Variants in GBP2 observed in about 807,000 individuals in gnomAD.
The protein encoded by GBP2 is guanylate binding protein 2.
A neutral mutation model predicts 60.8 loss-of-function variants in GBP2; 54 were observed. The observed-to-expected ratio is 0.89, with a 90% CI of 0.71 to 1.11. GBP2 has a LOEUF of 1.11. Ranked by LOEUF, GBP2 falls within the 50% of genes most tolerant of loss-of-function variation. GBP2 has a pLI of 0.00. For synonymous variants in GBP2, 243 were observed against 256.5 expected (o/e 0.95, Z 0.50); for missense variants, 665 against 703.3 (o/e 0.95, Z 0.62).
At position 89,108,152 on chromosome 1, in the gene GBP2, G is replaced by T; in HGVS notation, c.*23C>A. 1.4e-6 allele frequency: 2 copies of T among 1,400,070 alleles called. No homozygotes were observed. Among genetic ancestry groups the T allele is most frequent in the Non-Finnish European group, 2.0e-6 (2 of 991,494 alleles). The allele number at this position is 1,400,070 out of a possible 1,614,324, so 86.7% of individuals were successfully genotyped here. A position where few individuals can be genotyped will look rare whatever the true frequency, so the allele number is the denominator to read the frequency against. ...TTTCTTGGGGAGAGGGAGCTGGACA[G>T]GCAAATTTTGCTCCTTGGACTTTTA... On this transcript the variant is annotated 3_prime_UTR_variant, in exon 11 of 11. Coordinates refer to ENST00000370466, the MANE Select transcript of GBP2 (RefSeq NM_004120.5).
chr1:89,121,307 TTAG>T, intron 2 of GBP2, 37 bp from the exon 3 acceptor site: 1 of 1,537,426 alleles, frequency 6.5e-7, no homozygotes, highest in Non-Finnish European at 8.8e-7. Flanking sequence ...AAGAAATTAC[TTAG>T]TAGGTGTTTC....
In GBP2 at chr1:89,121,255, G is replaced by A; in HGVS notation, c.206C>T (p.Ser69Phe). 6.2e-7 allele frequency: 1 copy of A among 1,607,050 alleles called. No individual in the cohort carries two copies. The highest frequency in any genetic ancestry group is 8.5e-7 in the Non-Finnish European group (1 of 1,176,272). Residue 69 changes from serine (S) to phenylalanine (F), a missense_variant, in exon 3 of 11, where the codon TCC becomes TTC. By Grantham distance (155) the Ser-to-Phe change is radical. Coordinates refer to ENST00000370466, the MANE Select transcript of GBP2 (RefSeq NM_004120.5). ...AGKKNGFSLG[S>F]TVKSHTKGIW... is the part of the protein sequence containing the mutation. ...TCCCTTGGTGTGAGACTTCACTGTG[G>A]AGCCTAGAGAGAAGCCTGTAGAAGG...
Position 89,114,275 on chromosome 1 carries a change from G to C in GBP2, c.890C>G (p.Thr297Ser), listed in dbSNP as rs1002750030. Residue 297 changes from threonine to serine, a missense_variant, in exon 7 of 11, where the codon ACC (threonine) becomes AGC (serine). Thr to Ser is a moderately conservative substitution (Grantham distance 58). Coordinates refer to ENST00000370466, the MANE Select transcript of GBP2 (RefSeq NM_004120.5). ...NGPRLESLVL[T>S]YVNAISSGDL... ...CCCACTGCTGATGGCATTGACGTAG[G>C]TCAGCACCAGGCTCTCTAGACCTGC... The C allele has an allele frequency of 6.2e-7, 1 of 1,614,094 alleles. No individual in the cohort carries two copies. The highest frequency in any genetic ancestry group is 8.5e-7 in the Non-Finnish European group (1 of 1,180,038).
intron 3 of GBP2, 58 bp from the exon 4 acceptor site, chr1:89,120,346 C>T: frequency 7.3e-7 from 1 of 1,369,632 alleles, no homozygotes; most frequent in Admixed American, 1.7e-5. Context: ...ACAATCAATT[C>T]AGATAGCTGA....
At chr1:89,117,916 C>T (rs1224362742) in intron 4 of GBP2, 143 bp from the exon 5 acceptor site, 2 of 707,570 alleles carry the variant, frequency 2.8e-6, no homozygotes, top group African/African-American at 1.8e-5. Flanking sequence ...TTCATTCACT[C>T]ACAAACATTT....
chr1:89,120,763 C>A (rs949191466), intron 3 of GBP2, among the ~76,000 whole-genome samples: 2 of 152,294 alleles, frequency 1.3e-5, no homozygotes, highest in East Asian at 3.9e-4. Context: ...TCTACTGGTG[C>A]TGGTGTGGAT....
At chr1:89,109,570 G>C in intron 10 of GBP2, 107 bp downstream of exon 10, 3 of 826,078 alleles carry the variant, frequency 3.6e-6, no homozygotes, top group Non-Finnish European at 5.8e-6. Context: ...AAATGTAGTA[G>C]TGTCTGGGCT....
At position 89,109,793 on chromosome 1, in the gene GBP2, T is replaced by G; in HGVS notation, c.1543A>C (p.Met515Leu). Residue 515 changes from methionine (M) to leucine (L), a missense_variant, in exon 10 of 11, where the codon ATG becomes CTG. Met to Leu is a conservative substitution (Grantham distance 15, BLOSUM62 2). Coordinates refer to ENST00000370466, the MANE Select transcript of GBP2 (RefSeq NM_004120.5). ...TGATAACTCTTCTCTTTCTGTTCCA[T>G]CATCTCCTCATTCTTCTTTTGTATT... ...EEIQKKNEEMMEQKEKSYQEH... is the reference protein window; with the variant it reads ...EEIQKKNEEMLEQKEKSYQEH... The G allele has an allele frequency of 6.2e-7, 1 of 1,614,062 alleles. No homozygotes were observed. The highest frequency in any genetic ancestry group is 8.5e-7 in the Non-Finnish European group (1 of 1,179,946).
Position 89,117,693 on chromosome 1 carries a change from AC to A in GBP2, c.508del (p.Val170Ter). 1 of 1,614,084 alleles carries A rather than the reference AC, an allele frequency of 6.2e-7. No homozygotes were observed. Among genetic ancestry groups the A allele is most frequent in the African/African-American group, 1.3e-5 (1 of 75,040 alleles). On this transcript the variant is annotated frameshift_variant, in exon 5 of 11. Transcript: ENST00000370466. LOFTEE classifies it high-confidence loss of function. ...NNSVDDSADF[V>X]SFFPAFVWTL... is the part of the protein sequence containing the mutation. ...CCACACAAATGCTGGAAAAAAGCTC[AC>A]AAAGTCAGCTGAGTCGTCTACAGAA...
rs1169859935 is a variant in GBP2, at chr1:89,110,355, A to ATAAGTCAT, written c.1363-97_1363-90dup. 18 of 921,502 alleles carry ATAAGTCAT rather than the reference A, an allele frequency of 2.0e-5. No homozygotes were observed. In the South Asian group the frequency reaches 2.1e-4, roughly 11 times the overall value. 57.1% of individuals were successfully genotyped at this position (921,502 alleles called of 1,614,324 possible). ...CCACTGGGTATCTACCCAGAGGAAA[A>ATAAGTCAT]TAAGTCATTACACAAAAAAGATACT... is the stretch of plus-strand genomic sequence containing the variant. On this transcript the variant is annotated intron_variant, in intron 8 of 10. Coordinates refer to ENST00000370466, the MANE Select transcript of GBP2 (RefSeq NM_004120.5).
Position 89,120,265 on chromosome 1 carries a change from C to T in GBP2, c.342G>A (p.Trp114Ter). ...IEKGDNENDS[W>*]IFALAILLSS... ...TCAGGAGGATGGCCAAGGCAAAGAT[C>T]CAGGAGTCATTCTCATTGTCACCCT... Residue 114 changes from tryptophan (W) to a stop codon, truncating the protein, a stop_gained, in exon 4 of 11, where the codon TGG (tryptophan) becomes TGA (stop). Transcript: ENST00000370466. LOFTEE classifies it high-confidence loss of function. The T allele has an allele frequency of 6.2e-7, 1 of 1,613,738 alleles. No individual in the cohort carries two copies. Among genetic ancestry groups the T allele is most frequent in the Non-Finnish European group, 8.5e-7 (1 of 1,179,714 alleles).
chr1:89,116,041 C>T (rs1681264443), intron 6 of GBP2, among the ~76,000 whole-genome samples: 1 of 151,822 alleles, frequency 6.6e-6, no homozygotes, highest in Admixed American at 6.6e-5. Context: ...GAGACAGGGT[C>T]TCACTCTGTC....
In GBP2 at chr1:89,108,220, G is replaced by C. The variant is rs150770546; in HGVS notation, c.1731C>G (p.Ile577Met). 74 of 1,612,990 alleles carry C rather than the reference G, an allele frequency of 4.6e-5. No individual in the cohort carries two copies. Among genetic ancestry groups the C allele is most frequent in the Non-Finnish European group, 6.0e-5 (71 of 1,179,446 alleles). ...SKRLQKDIWD[I>M]QMRSKSLEPI... ...GCTCCAATGATTTGCTTCTCATCTG[G>C]ATATCCCATATGTCTTTTTGAAGTC... Residue 577 changes from isoleucine (I) to methionine (M), a missense_variant, in exon 11 of 11, where the codon ATC (isoleucine) becomes ATG (methionine). Transcript: ENST00000370466.
At chr1:89,111,809 A>C (rs7556532) in intron 8 of GBP2, among the ~76,000 whole-genome samples, 1 of 152,280 alleles carries the variant, frequency 6.6e-6, no homozygotes, top group South Asian at 2.1e-4. Context: ...GTGTAATTGG[A>C]TTGTTTGTAA....
intron 1 of GBP2, among the ~76,000 whole-genome samples, chr1:89,123,912 T>G (rs557898875): frequency 6.5e-4 from 99 of 152,370 alleles, no homozygotes; most frequent in Non-Finnish European, 1.2e-3. Context: ...TCCATAGATA[T>G]CCAATCTTGT....
At chr1:89,113,883 T>C (rs990833015) in intron 7 of GBP2, 133 bp downstream of exon 7, 1 of 1,155,294 alleles carries the variant, frequency 8.7e-7, no homozygotes, top group Non-Finnish European at 1.2e-6. Context: ...GCTATGCACA[T>C]TCTAGTCTTT....
At chr1:89,108,343 G>T (rs1329119) in intron 10 of GBP2, 52 bp from the exon 11 acceptor site, 21 of 1,138,776 alleles carry the variant, frequency 1.8e-5, no homozygotes, top group Non-Finnish European at 2.7e-5. Context: ...ATTTCCACCA[G>T]ATTAGTTCCC....
chr1:89,117,000 T>G lies in GBP2; in HGVS notation c.860A>C (p.Asn287Thr), dbSNP rs748450335. The change falls in exon 6 of 11, where the codon AAT becomes ACT. Residue 287 changes from asparagine (N) to threonine (T), a missense_variant. Coordinates refer to ENST00000370466, the MANE Select transcript of GBP2 (RefSeq NM_004120.5). ...TAGAGAGAGTGACTCACGAGGCCCATTGACTGGAATGCCACCTGAAAGAGT... is the reference window on the plus strand; with the variant it reads ...TAGAGAGAGTGACTCACGAGGCCCAGTGACTGGAATGCCACCTGAAAGAGT... ...VKTLSGGIPVNGPRLESLVLT... is the reference protein window; with the variant it reads ...VKTLSGGIPVTGPRLESLVLT... 2 of 1,613,832 alleles carry G rather than the reference T, an allele frequency of 1.2e-6. No individual in the cohort carries two copies. Among genetic ancestry groups the G allele is most frequent in the African/African-American group, 2.7e-5 (2 of 74,916 alleles).
intron 1 of GBP2, 126 bp from the exon 2 acceptor site, chr1:89,122,109 G>T: frequency 1.7e-6 from 1 of 575,542 alleles, no homozygotes; most frequent in Non-Finnish European, 2.9e-6. Flanking sequence ...GTTTTTTAAA[G>T]CCTGGTTTCT....
Sources: gnomAD v4.1 joint callset for allele counts (sites outside exome capture counted in the v4.1 genomes callset) on GRCh38, gnomAD v4.1.1 for gene constraint, MANE v1.5 for transcripts, NCBI Gene and HGNC (gene_info 2026-07-23, HGNC 2026-07-21) for gene names.